The following TSG101 variants were observed in gnomAD, a reference collection of about 807,000 sequenced individuals.
TSG101 encodes tumor susceptibility gene 101 protein.
TSG101 carries 19 observed loss-of-function variants against 48.5 expected under a neutral mutation model. The ratio of observed to expected loss-of-function variants is 0.39; its 90% CI spans 0.27 to 0.58. TSG101 has a LOEUF of 0.58. Ranked by LOEUF, TSG101 falls within the 20% of genes least tolerant of loss-of-function variation. TSG101 has a pLI of 0.55. For missense variants in TSG101, 365 were observed against 484.4 expected (o/e 0.75, Z 2.31); for synonymous variants, 174 against 169.4 (o/e 1.03, Z -0.21).
chr11:18,504,484 A>C (rs919235594), intron 6 of TSG101, among the ~76,000 whole-genome samples: 4 of 152,166 alleles, frequency 2.6e-5, no homozygotes, highest in Non-Finnish European at 5.9e-5. Context: ...GCTACTGAAC[A>C]CAGTACTTTT....
chr11:18,524,225 A>C (rs987701652), intron 1 of TSG101, among the ~76,000 whole-genome samples: 1 of 152,264 alleles, frequency 6.6e-6, no homozygotes, highest in Non-Finnish European at 1.5e-5. Context: ...AAGAAGGACT[A>C]ATCTGGTATA....
chr11:18,515,329 T>C (rs1850153138), intron 3 of TSG101, among the ~76,000 whole-genome samples: 1 of 152,208 alleles, frequency 6.6e-6, no homozygotes, highest in South Asian at 2.1e-4. Context: ...CCTATCCTTA[T>C]TGCCTTATGA....
At chr11:18,502,069 C>T (rs960552846) in intron 7 of TSG101, among the ~76,000 whole-genome samples, 3 of 152,156 alleles carry the variant, frequency 2.0e-5, no homozygotes, top group African/African-American at 4.8e-5. Context: ...TTTCAGGTAA[C>T]GCTAATAAGC....
At chr11:18,521,063 T>C (rs1850265252) in intron 1 of TSG101, among the ~76,000 whole-genome samples, 1 of 152,082 alleles carries the variant, frequency 6.6e-6, no homozygotes, top group African/African-American at 2.4e-5. Flanking sequence ...CTTTTATATT[T>C]TTCTCCTCTT....
intron 6 of TSG101, 134 bp downstream of exon 6, chr11:18,506,723 G>T: frequency 1.7e-6 from 1 of 594,712 alleles, no homozygotes; most frequent in Non-Finnish European, 2.7e-6. Context: ...ATAAATTCCA[G>T]GAATAAACCA....
chr11:18,521,359 CTTTTTTTTTTTTT>C (rs917563952), intron 1 of TSG101, among the ~76,000 whole-genome samples: 64 of 99,830 alleles, frequency 6.4e-4, no homozygotes, highest in African/African-American at 2.0e-3. Context: ...AAACTGATTC[CTTTTTTTTTTTTT>C]TTTTTTTTTT....
At position 18,485,325 on chromosome 11, in the gene TSG101, C is replaced by T. The variant is rs75707896; in HGVS notation, c.641-1253G>A. Among the ~76,000 whole-genome samples the T allele has an allele frequency of 4.9e-3, 751 of 152,304 alleles. 6 individuals are homozygous for T. The highest frequency in any genetic ancestry group is 0.017 in the African/African-American group (727 of 41,560). On this transcript the variant is annotated intron_variant, in intron 7 of 9. Transcript: ENST00000251968. The stretch of plus-strand genomic sequence containing the variant: ...AATTCCCAAAACGTCAGCACAACAA[C>T]TAGAATCTGCTCTCTCTTAACAGTT...
rs753626745 is a variant in TSG101, at chr11:18,483,986, T to C, written c.727A>G (p.Lys243Glu). 2 of 1,614,202 alleles carry C rather than the reference T, an allele frequency of 1.2e-6. No homozygotes were observed. The highest frequency in any genetic ancestry group is 2.2e-5 in the East Asian group (1 of 44,888). Residue 243 changes from lysine (K) to glutamate (E), a missense_variant, in exon 8 of 10, where the codon AAG becomes GAG. By Grantham distance (56) the Lys-to-Glu change is moderately conservative. Transcript: ENST00000251968. ...GCCTGGGCACGATCCATTTCCTCCT[T>C]CATCCGCCATCTCAGTTTGTCACTG... ...AVSDKLRWRM[K>E]EEMDRAQAEL...
intron 7 of TSG101, among the ~76,000 whole-genome samples, chr11:18,499,793 T>C (rs1330262245): frequency 6.6e-6 from 1 of 152,098 alleles, no homozygotes; most frequent in Non-Finnish European, 1.5e-5. Context: ...CGGAATGTAA[T>C]GTTCAAGTGA....
rs1320629266 is a variant in TSG101 at position 18,496,234 on chromosome 11, C to T, written c.640+6252G>A. Among the ~76,000 whole-genome samples, 3 of 151,950 alleles carry T rather than the reference C, an allele frequency of 2.0e-5. No individual in the cohort carries two copies. In the East Asian group the frequency reaches 5.8e-4, roughly 29 times the overall value. ...ATCCCAGCACTTTGGGAGGCCGAGG[C>T]AGGTGGATCACCTGAGGTTAGGAGA... On this transcript the variant is annotated intron_variant, in intron 7 of 9. Coordinates refer to ENST00000251968, the MANE Select transcript of TSG101 (RefSeq NM_006292.4).
At chr11:18,487,707 C>G (rs1332574072) in intron 7 of TSG101, among the ~76,000 whole-genome samples, 1 of 151,990 alleles carries the variant, frequency 6.6e-6, no homozygotes, top group Non-Finnish European at 1.5e-5. Context: ...ACAAAAGAAA[C>G]AAAAAAACCT....
intron 7 of TSG101, among the ~76,000 whole-genome samples, chr11:18,502,192 C>A (rs990627868): frequency 6.6e-6 from 1 of 152,156 alleles, no homozygotes; most frequent in Non-Finnish European, 1.5e-5. Flanking sequence ...TCACATATAA[C>A]CAAGCTAGGA....
intron 6 of TSG101, among the ~76,000 whole-genome samples, chr11:18,504,463 A>T (rs919126439): frequency 6.6e-5 from 10 of 152,182 alleles, no homozygotes; most frequent in Non-Finnish European, 1.3e-4. Context: ...CCTAGTGGAC[A>T]CATGCTGGAG....
intron 7 of TSG101, among the ~76,000 whole-genome samples, chr11:18,498,901 CAA>C (rs1849826040): frequency 1.3e-5 from 2 of 151,934 alleles, no homozygotes; most frequent in South Asian, 4.1e-4. Flanking sequence ...TTTTGGAAAA[CAA>C]GAGGAAAGTG....
At chr11:18,496,442 A>AAAAATAAAAT (rs201480350) in intron 7 of TSG101, among the ~76,000 whole-genome samples, 1,374 of 110,180 alleles carry the variant, frequency 0.012, 33 homozygotes, top group African/African-American at 0.017. Flanking sequence ...ACTCTGTCTC[A>AAAAATAAAAT]AAAATAAAAT....
In TSG101 at chr11:18,486,166, A is replaced by G. The variant is rs149014446; in HGVS notation, c.641-2094T>C. ...GTGAAAGCTCTTTCATCAGTCAATA[A>G]AACTCCCTGTCTTGCTCACTCTTGA... On this transcript the variant is annotated intron_variant, in intron 7 of 9. Coordinates refer to ENST00000251968, the MANE Select transcript of TSG101 (RefSeq NM_006292.4). 5.9e-3 allele frequency among the ~76,000 whole-genome samples: 899 copies of G among 152,316 alleles called. 9 individuals carry two copies. The highest frequency in any genetic ancestry group is 0.021 in the African/African-American group (867 of 41,572).
chr11:18,495,923 CAAAA>C, intron 7 of TSG101, among the ~76,000 whole-genome samples: 1 of 105,850 alleles, frequency 9.4e-6, no homozygotes, highest in African/African-American at 3.5e-5. Flanking sequence ...GACTCCGTCT[CAAAA>C]AAAAAAAAAA....
At chr11:18,514,907 G>A (rs1005737249) in intron 3 of TSG101, 66 bp from the exon 4 acceptor site, 74 of 1,399,360 alleles carry the variant, frequency 5.3e-5, no homozygotes, top group Non-Finnish European at 7.1e-5. Context: ...AATGGTTAAA[G>A]GAACAGAGGT....
intron 1 of TSG101, among the ~76,000 whole-genome samples, chr11:18,523,945 G>A (rs911974267): frequency 3.9e-5 from 6 of 152,128 alleles, no homozygotes; most frequent in African/African-American, 9.7e-5. Context: ...TGCAAGCCAC[G>A]AAGTCTGGCT....
Sources: gnomAD v4.1 joint callset for allele counts (sites outside exome capture counted in the v4.1 genomes callset) on GRCh38, gnomAD v4.1.1 for gene constraint, MANE v1.5 for transcripts, NCBI Gene and HGNC (gene_info 2026-07-23, HGNC 2026-07-21) for gene names.